The following RERE variants were observed in gnomAD, a reference collection of about 807,000 sequenced individuals.
RERE encodes the protein arginine-glutamic acid dipeptide repeats protein.
In RERE, 40 loss-of-function variants were observed where a neutral mutation model predicts 146.1. The ratio of observed to expected loss-of-function variants is 0.27; its 90% CI spans 0.21 to 0.36. The LOEUF (loss-of-function observed/expected upper bound fraction) is 0.36, where lower values mean the gene tolerates loss of function less well. Ranked by LOEUF, RERE falls within the 10% of genes least tolerant of loss-of-function variation. RERE has a pLI of 1.00. For missense variants in RERE, 1,933 were observed against 2,138.7 expected, an observed-to-expected ratio of 0.90 and a Z score of 1.90; for synonymous variants, 1,003 against 866.0, an observed-to-expected ratio of 1.16 and a Z score of -2.78.
At chr1:8,658,692 G>C (rs1300086157) in intron 1 of RERE, among the ~76,000 whole-genome samples, 1 of 151,864 alleles carries the variant, frequency 6.6e-6, no homozygotes, top group African/African-American at 2.4e-5. Context: ...AGGTGGCAGA[G>C]GTTGCAGTGA....
At chr1:8,581,065 T>C (rs984758780) in intron 4 of RERE, among the ~76,000 whole-genome samples, 3 of 152,194 alleles carry the variant, frequency 2.0e-5, no homozygotes, top group Non-Finnish European at 4.4e-5. Context: ...TTTAAGAAAT[T>C]GTCAAACTAT....
At chr1:8,689,495 T>C (rs1323197318) in intron 1 of RERE, among the ~76,000 whole-genome samples, 2 of 152,298 alleles carry the variant, frequency 1.3e-5, no homozygotes, top group East Asian at 1.9e-4. Flanking sequence ...TCAGGTAATA[T>C]CACATTTCTT....
At chr1:8,368,288 G>C (rs969206102) in intron 12 of RERE, among the ~76,000 whole-genome samples, 1 of 151,908 alleles carries the variant, frequency 6.6e-6, no homozygotes, top group African/African-American at 2.4e-5. Flanking sequence ...TGGCTAACAT[G>C]GTGAAACCCT....
intron 12 of RERE, among the ~76,000 whole-genome samples, chr1:8,413,383 C>A (rs1422366890): frequency 6.6e-6 from 1 of 152,134 alleles, no homozygotes; most frequent in Non-Finnish European, 1.5e-5. Context: ...TACTCTGTTG[C>A]CCAGGCTGGA....
Position 8,423,556 on chromosome 1 carries a change from C to T in RERE, c.1204-749G>A. On this transcript the variant is annotated intron_variant, in intron 11 of 22. Transcript: ENST00000400908. The surrounding 1 kb of genome is among the most constrained non-coding windows in gnomAD (Gnocchi z 5.4). ...TGGGGGCAGCTCCTGGCTCCGAGCC[C>T]CCACCTCGGGGCTCCCAGCCTGGTC... 9 of 985,204 alleles carry T rather than the reference C, an allele frequency of 9.1e-6. No individual in the cohort carries two copies. Among genetic ancestry groups the T allele is most frequent in the Non-Finnish European group, 1.1e-5 (9 of 829,814 alleles). The allele number at this position is 985,204 out of a possible 1,614,324, so 61.0% of individuals were successfully genotyped here. A position where few individuals can be genotyped will look rare whatever the true frequency, so the allele number is the denominator to read the frequency against.
At chr1:8,376,527 T>A (rs1297545797) in intron 12 of RERE, among the ~76,000 whole-genome samples, 1 of 152,232 alleles carries the variant, frequency 6.6e-6, no homozygotes, top group Non-Finnish European at 1.5e-5. Flanking sequence ...AGACAGACGC[T>A]GGGAGCCTAC....
chr1:8,409,840 G>A (rs914623836), intron 12 of RERE, among the ~76,000 whole-genome samples: 1 of 152,110 alleles, frequency 6.6e-6, no homozygotes, highest in African/African-American at 2.4e-5. Context: ...CCTCTCCCAG[G>A]AGCAAAGAGC....
At chr1:8,369,917 G>C (rs370126946) in intron 12 of RERE, among the ~76,000 whole-genome samples, 4 of 151,992 alleles carry the variant, frequency 2.6e-5, no homozygotes, top group African/African-American at 9.7e-5. Context: ...GGCCTCCCGA[G>C]TAGCTGGGAC....
chr1:8,712,273 C>G (rs970742455), intron 1 of RERE, among the ~76,000 whole-genome samples: 1 of 152,188 alleles, frequency 6.6e-6, no homozygotes, highest in African/African-American at 2.4e-5. Flanking sequence ...AACATACATT[C>G]TGGAGTTTAA....
chr1:8,762,256 G>A (rs1220686310), intron 1 of RERE, among the ~76,000 whole-genome samples: 4 of 152,096 alleles, frequency 2.6e-5, no homozygotes, highest in Admixed American at 6.6e-5. Context: ...TACAAGCATC[G>A]TCACCCTACT....
chr1:8,616,423 C>T (rs1333156942), intron 3 of RERE, among the ~76,000 whole-genome samples: 5 of 151,950 alleles, frequency 3.3e-5, no homozygotes, highest in Admixed American at 3.3e-4. Flanking sequence ...GTTCTTAATG[C>T]AAGCATCCAT....
intron 10 of RERE, among the ~76,000 whole-genome samples, chr1:8,475,146 G>C (rs1644737578): frequency 6.6e-6 from 1 of 152,130 alleles, no homozygotes; most frequent in East Asian, 1.9e-4. Flanking sequence ...GGCTGAAGTG[G>C]GCAGATCTCT....
intron 2 of RERE, among the ~76,000 whole-genome samples, chr1:8,629,493 AAAG>A (rs1163803092): frequency 6.6e-6 from 1 of 152,220 alleles, no homozygotes; most frequent in Non-Finnish European, 1.5e-5. Flanking sequence ...TTCTCAAGGC[AAAG>A]AAGGCCCTCT....
rs767090177 is a variant in RERE, at chr1:8,614,576, C to T, written c.507G>A (p.Gly169=). The change falls in exon 4 of 23, where the codon GGG becomes GGA. Residue 169 remains glycine (G), a synonymous_variant. Transcript: ENST00000400908. ...SQPPQHLSEA[G]RGPVGSKRDH... ...TTCTCCTTACCCCTACAGGCCCTCT[C>T]CCGGCTTCAGAAAGATGCTGTGGTG... 1 of 1,613,154 alleles carries T rather than the reference C, an allele frequency of 6.2e-7. No individual in the cohort carries two copies. The highest frequency in any genetic ancestry group is 8.5e-7 in the Non-Finnish European group (1 of 1,179,486).
In RERE at chr1:8,597,154, C is replaced by T. The variant is rs943188366; in HGVS notation, c.522+17407G>A. ...CCAGGCCAGAGCGCAGTGGCGTGAT[C>T]GTGGCTCACTGCAGCCTCAGCATCC... On this transcript the variant is annotated intron_variant, in intron 4 of 22. Transcript: ENST00000400908. Among the ~76,000 whole-genome samples the T allele has an allele frequency of 3.1e-4, 46 of 149,722 alleles. 1 individual carries two copies. The highest frequency in any genetic ancestry group is 9.9e-5 in the African/African-American group (4 of 40,556).
chr1:8,605,015 G>C (rs907043845), intron 4 of RERE, among the ~76,000 whole-genome samples: 2 of 152,248 alleles, frequency 1.3e-5, no homozygotes, highest in Non-Finnish European at 2.9e-5. Context: ...TAATGGATCA[G>C]TGGGAAATTG....
chr1:8,560,755 G>A (rs1017827426), intron 4 of RERE, among the ~76,000 whole-genome samples: 23 of 152,180 alleles, frequency 1.5e-4, no homozygotes, highest in African/African-American at 5.3e-4. Flanking sequence ...GAACTGTGCC[G>A]AGAAGTGTGG....
intron 7 of RERE, among the ~76,000 whole-genome samples, chr1:8,520,171 G>C (rs75461596): frequency 5.3e-4 from 81 of 152,238 alleles, no homozygotes; most frequent in African/African-American, 1.9e-3. Context: ...ACAAGAACTT[G>C]TCCAAAATCC....
intron 11 of RERE, among the ~76,000 whole-genome samples, chr1:8,443,233 C>T (rs950237845): frequency 6.6e-5 from 10 of 151,964 alleles, no homozygotes; most frequent in East Asian, 3.9e-4. Flanking sequence ...GAGGCCGCGG[C>T]GGGTGGATCA....
Sources: allele counts gnomAD v4.1 joint callset (sites outside exome capture counted in the v4.1 genomes callset), GRCh38; gene constraint gnomAD v4.1.1; non-coding constraint Gnocchi (gnomAD v3.1); transcripts MANE v1.5; gene names NCBI Gene and HGNC (gene_info 2026-07-23, HGNC 2026-07-21).